MAGI1: variants seen among roughly 807,000 people sequenced by gnomAD.
MAGI1 encodes the protein membrane-associated guanylate kinase, WW and PDZ domain-containing protein 1.
MAGI1 carries 58 observed loss-of-function variants against 139.9 expected under a neutral mutation model. The ratio of observed to expected loss-of-function variants is 0.41; its 90% CI spans 0.34 to 0.52. The LOEUF is 0.52. Ranked by LOEUF, MAGI1 falls within the 20% of genes least tolerant of loss-of-function variation. The pLI is 0.12. For synonymous variants in MAGI1, 812 were observed against 737.9 expected (o/e 1.10, Z -1.63); for missense variants, 1,874 against 1,901.6 (o/e 0.99, Z 0.27).
intron 2 of MAGI1, among the ~76,000 whole-genome samples, chr3:65,499,847 T>C (rs574087144): frequency 6.6e-6 from 1 of 152,246 alleles, no homozygotes; most frequent in South Asian, 2.1e-4. Flanking sequence ...CTCAGGAGGG[T>C]AGCTTCAGAA....
At chr3:66,012,057 G>A (rs2067349387) in intron 1 of MAGI1, among the ~76,000 whole-genome samples, 2 of 151,954 alleles carry the variant, frequency 1.3e-5, no homozygotes, top group East Asian at 1.9e-4. Context: ...TGTCTATATC[G>A]ATTTGCTTTT....
chr3:65,945,248 T>C (rs1373183196), intron 1 of MAGI1, among the ~76,000 whole-genome samples: 3 of 152,186 alleles, frequency 2.0e-5, no homozygotes, highest in Non-Finnish European at 4.4e-5. Flanking sequence ...GGTTCAGGGA[T>C]ACATGTGCAG....
chr3:65,746,659 G>A (rs1352414500), intron 1 of MAGI1, among the ~76,000 whole-genome samples: 3 of 152,024 alleles, frequency 2.0e-5, no homozygotes, highest in Admixed American at 2.0e-4. Flanking sequence ...CCTTGCTGAT[G>A]ACATGGAGGG....
rs570160692 is a variant in MAGI1, at chr3:65,479,567, A to G, written c.551-769T>C. 3.3e-5 allele frequency among the ~76,000 whole-genome samples: 5 copies of G among 152,290 alleles called. No homozygotes were observed. The South Asian group carries it at 1.0e-3, about 32-fold the overall frequency. On this transcript the variant is annotated intron_variant, in intron 3 of 22. Coordinates refer to ENST00000402939, the MANE Select transcript of MAGI1 (RefSeq NM_001033057.2). ...GATACATATATTTTTAATTTGCCAT[A>G]GAGAAATCTCACTGGTAAGTTATGA...
rs9311958 is a variant in MAGI1 at position 65,775,502 on chromosome 3, CAAAAAAAAAAAAA to C, written c.314-153427_314-153415del. On this transcript the variant is annotated intron_variant, in intron 1 of 22. Transcript: ENST00000402939. ...TTTTTTCTCTTCTCACCCACTCTGCCAAAAAAAAAAAAAAAAAAAAAAAAAAGCATCTTAAAGA... is the reference window on the plus strand; with the variant it reads ...TTTTTTCTCTTCTCACCCACTCTGCCAAAAAAAAAAAAAGCATCTTAAAGA... Among the ~76,000 whole-genome samples the C allele has an allele frequency of 9.0e-4, 33 of 36,604 alleles. No individual in the cohort carries two copies. In the South Asian group the frequency reaches 0.011, roughly 12 times the overall value. 24.0% of individuals were successfully genotyped at this position (36,604 alleles called of 152,430 possible). A position where few individuals can be genotyped will look rare whatever the true frequency, so the allele number is the denominator to read the frequency against.
intron 4 of MAGI1, among the ~76,000 whole-genome samples, chr3:65,474,893 A>C (rs1165752486): frequency 1.3e-5 from 2 of 152,030 alleles, no homozygotes; most frequent in Non-Finnish European, 2.9e-5. Context: ...ACCCTCCCTC[A>C]CCAGTTTTGC....
chr3:65,823,541 C>A (rs4688248), intron 1 of MAGI1, among the ~76,000 whole-genome samples: 71,407 of 152,022 alleles, frequency 0.47, 18,161 homozygotes, highest in East Asian at 0.76. Flanking sequence ...CCTTCCACAG[C>A]CTGCTTCTCC....
At chr3:65,990,784 A>T (rs1424845806) in intron 1 of MAGI1, among the ~76,000 whole-genome samples, 1 of 152,174 alleles carries the variant, frequency 6.6e-6, no homozygotes, top group Admixed American at 6.5e-5. Flanking sequence ...ATTTTGGGAA[A>T]AATTATTTCC....
Position 65,533,118 on chromosome 3 carries a change from C to A in MAGI1, c.431-39487G>T, listed in dbSNP as rs557295930. ...TCCTGGATTGCAAAAAGAATGCAATCCCTATTTTTTGACTGGCTTACTTAT... is the reference window on the plus strand; with the variant it reads ...TCCTGGATTGCAAAAAGAATGCAATACCTATTTTTTGACTGGCTTACTTAT... On this transcript the variant is annotated intron_variant, in intron 2 of 22. Coordinates refer to ENST00000402939, the MANE Select transcript of MAGI1 (RefSeq NM_001033057.2). Among the ~76,000 whole-genome samples the A allele has an allele frequency of 3.9e-5, 6 of 152,266 alleles. No homozygotes were observed. The East Asian group carries it at 7.7e-4, about 20-fold the overall frequency.
At position 65,429,583 on chromosome 3, in the gene MAGI1, C is replaced by G. The variant is rs959693670; in HGVS notation, c.2104G>C (p.Val702Leu). ...GGACACTCAACCAGCATATCCACCACTTGGTTGTGAGTTAGGGCCTGCACG... is the reference window on the plus strand; with the variant it reads ...GGACACTCAACCAGCATATCCACCAGTTGGTTGTGAGTTAGGGCCTGCACG... ...KNVQALTHNQ[V>L]VDMLVECPKG... is the part of the protein sequence containing the mutation. The change falls in exon 12 of 23, where the codon GTG (valine) becomes CTG (leucine). Residue 702 changes from valine to leucine, a missense_variant. Physicochemically the swap from Val to Leu is conservative, Grantham distance 32 (BLOSUM62 1). This residue lies in a region of MAGI1 where 482 missense variants were observed against 509.6 expected (regional missense o/e 0.95). Coordinates refer to ENST00000402939, the MANE Select transcript of MAGI1 (RefSeq NM_001033057.2). 8 of 1,613,972 alleles carry G rather than the reference C, an allele frequency of 5.0e-6. No homozygotes were observed. Among genetic ancestry groups the G allele is most frequent in the African/African-American group, 2.7e-5 (2 of 75,026 alleles).
chr3:65,967,340 G>A (rs932924902), intron 1 of MAGI1, among the ~76,000 whole-genome samples: 2 of 152,056 alleles, frequency 1.3e-5, no homozygotes, highest in South Asian at 2.1e-4. Flanking sequence ...AGAAAACATC[G>A]GGAGGAGAGC....
chr3:65,634,803 G>A (rs893132049), intron 1 of MAGI1, among the ~76,000 whole-genome samples: 6 of 152,166 alleles, frequency 3.9e-5, no homozygotes, highest in African/African-American at 1.2e-4. Context: ...GTTCGATGAT[G>A]TTACTGAACG....
At chr3:65,619,865 A>G (rs571234498) in intron 2 of MAGI1, 1 of 985,136 alleles carries the variant, frequency 1.0e-6, no homozygotes. Context: ...TTTCTCTTTT[A>G]GTAGGAACAC....
intron 1 of MAGI1, among the ~76,000 whole-genome samples, chr3:65,862,753 T>C (rs1040536013): frequency 6.6e-6 from 1 of 152,204 alleles, no homozygotes; most frequent in Non-Finnish European, 1.5e-5. Flanking sequence ...AGCCACAAAA[T>C]GCAGAGCCTA....
chr3:65,725,005 A>G (rs2033447688), intron 1 of MAGI1, among the ~76,000 whole-genome samples: 1 of 152,168 alleles, frequency 6.6e-6, no homozygotes, highest in African/African-American at 2.4e-5. Flanking sequence ...ACCATGAAAA[A>G]CACAGCATAA....
intron 5 of MAGI1, among the ~76,000 whole-genome samples, chr3:65,458,285 T>C (rs1485451720): frequency 6.6e-6 from 1 of 152,060 alleles, no homozygotes; most frequent in Non-Finnish European, 1.5e-5. Context: ...CTCTTCAATA[T>C]ACTGATTTCC....
At chr3:65,697,251 G>C (rs2089287396) in intron 1 of MAGI1, among the ~76,000 whole-genome samples, 1 of 151,840 alleles carries the variant, frequency 6.6e-6, no homozygotes, top group Non-Finnish European at 1.5e-5. Flanking sequence ...CAACCAAAAA[G>C]AGTCCAGGAC....
intron 1 of MAGI1, among the ~76,000 whole-genome samples, chr3:65,627,907 G>T (rs76089079): frequency 0.052 from 7,929 of 152,138 alleles, 422 homozygotes; most frequent in African/African-American, 0.13. Context: ...AGAATGTTAA[G>T]CATGTTTGAT....
chr3:65,371,607 C>A (rs1465161856), intron 18 of MAGI1, among the ~76,000 whole-genome samples: 2 of 152,170 alleles, frequency 1.3e-5, no homozygotes, highest in African/African-American at 4.8e-5. Flanking sequence ...TGAAAGATTT[C>A]TCTGCAGCAT....
Sources: allele counts gnomAD v4.1 joint callset (sites outside exome capture counted in the v4.1 genomes callset), GRCh38; gene constraint gnomAD v4.1.1; regional missense constraint gnomAD v4.1.1; transcripts MANE v1.5; gene names NCBI Gene and HGNC (gene_info 2026-07-23, HGNC 2026-07-21).